The following NIM1K variants were observed in gnomAD, a reference collection of about 807,000 sequenced individuals.
NIM1K encodes NIM1 serine/threonine protein kinase.
In NIM1K, 35 loss-of-function variants were observed where a neutral mutation model predicts 37.1. The ratio of observed to expected loss-of-function variants is 0.94; its 90% CI spans 0.72 to 1.25. NIM1K has a LOEUF of 1.25. NIM1K is among the 50% of genes most tolerant of loss of function. The pLI is 0.00. For missense variants in NIM1K, 564 were observed against 548.0 expected (o/e 1.03, Z -0.29); for synonymous variants, 234 against 206.6 (o/e 1.13, Z -1.14).
chr5:43,243,092 G>A (rs1202551164), intron 1 of NIM1K: 1 of 152,340 alleles, frequency 6.6e-6, no homozygotes, highest in African/African-American at 2.4e-5. Flanking sequence ...TTGAGCCACT[G>A]TGCCCGGCGC....
intron 1 of NIM1K, among the ~76,000 whole-genome samples, chr5:43,233,908 C>G (rs751451474): frequency 7.9e-5 from 12 of 152,072 alleles, no homozygotes; most frequent in Non-Finnish European, 1.6e-4. Flanking sequence ...TAATGCTATT[C>G]CTTTTGTTTG....
chr5:43,206,788 C>A (rs76061911), intron 1 of NIM1K: 15,751 of 766,194 alleles, frequency 0.021, 654 homozygotes, highest in East Asian at 0.14. Flanking sequence ...GGCCTCCAGT[C>A]CATTTTCCAG....
intron 1 of NIM1K, among the ~76,000 whole-genome samples, chr5:43,208,246 G>C (rs1210339935): frequency 6.6e-6 from 1 of 151,916 alleles, no homozygotes; most frequent in Non-Finnish European, 1.5e-5. Flanking sequence ...GTGCTTTCAA[G>C]AGAGAGTTAA....
chr5:43,218,724 C>CT (rs70994612), intron 1 of NIM1K, among the ~76,000 whole-genome samples: 61,755 of 141,020 alleles, frequency 0.44, 13,818 homozygotes, highest in Non-Finnish European at 0.46. Context: ...TTCTTCTTTT[C>CT]TTTTTTTTTT....
At chr5:43,263,555 A>C (rs1753070845) in intron 2 of NIM1K, among the ~76,000 whole-genome samples, 1 of 151,866 alleles carries the variant, frequency 6.6e-6, no homozygotes, top group African/African-American at 2.4e-5. Flanking sequence ...CTTTTCAAAA[A>C]AAAAACAGCT....
chr5:43,198,052 G>T (rs554202120), intron 1 of NIM1K, among the ~76,000 whole-genome samples: 12 of 152,184 alleles, frequency 7.9e-5, no homozygotes, highest in African/African-American at 1.4e-4. Flanking sequence ...AGGAAGTAGG[G>T]GGAAAACATA....
At chr5:43,209,772 G>A (rs1173286576) in intron 1 of NIM1K, among the ~76,000 whole-genome samples, 1 of 151,764 alleles carries the variant, frequency 6.6e-6, no homozygotes, top group Non-Finnish European at 1.5e-5. Flanking sequence ...GCGCCACCAC[G>A]CCCAGCTAAT....
chr5:43,279,146 T>TA, intron 3 of NIM1K, among the ~76,000 whole-genome samples: 1 of 152,304 alleles, frequency 6.6e-6, no homozygotes, highest in South Asian at 2.1e-4. Flanking sequence ...ATCCACATCT[T>TA]ATTGAGTTTG....
rs143914564 is a variant in NIM1K, at chr5:43,280,294, G to A, written c.876G>A (p.Pro292=). 9.6e-4 allele frequency: 1,551 copies of A among 1,613,952 alleles called. 2 individuals carry two copies. The highest frequency in any genetic ancestry group is 1.3e-3 in the Non-Finnish European group (1,481 of 1,180,028). Residue 292 remains proline (P), a synonymous_variant, in exon 4 of 4, where the codon CCG becomes CCA. Coordinates refer to ENST00000326035, the MANE Select transcript of NIM1K (RefSeq NM_153361.4). ...TCGAGGGCACATACAGTGTACCGCCGCACGTGTCAGAGCCCTGCCACCGAC... is the reference window on the plus strand; with the variant it reads ...TCGAGGGCACATACAGTGTACCGCCACACGTGTCAGAGCCCTGCCACCGAC... ...SILEGTYSVP[P]HVSEPCHRLI...
At chr5:43,256,986 C>T (rs534065224) in intron 2 of NIM1K, among the ~76,000 whole-genome samples, 47 of 152,256 alleles carry the variant, frequency 3.1e-4, no homozygotes, top group African/African-American at 1.1e-3. Flanking sequence ...ACTAAGACGA[C>T]ACCCAAGTGA....
At chr5:43,235,671 G>A (rs571489650) in intron 1 of NIM1K, among the ~76,000 whole-genome samples, 2 of 152,340 alleles carry the variant, frequency 1.3e-5, no homozygotes, top group African/African-American at 4.8e-5. Flanking sequence ...CAGTAAGGAT[G>A]AATTAGATGG....
At chr5:43,241,921 G>T (rs900841482) in intron 1 of NIM1K, among the ~76,000 whole-genome samples, 2 of 151,744 alleles carry the variant, frequency 1.3e-5, no homozygotes, top group Non-Finnish European at 1.5e-5. Context: ...TGATTTATTT[G>T]GCACTTATTT....
At chr5:43,235,305 T>C (rs1354755629) in intron 1 of NIM1K, among the ~76,000 whole-genome samples, 2 of 152,232 alleles carry the variant, frequency 1.3e-5, no homozygotes, top group Admixed American at 1.3e-4. Flanking sequence ...CAAATTATCT[T>C]CACATAACAA....
intron 2 of NIM1K, among the ~76,000 whole-genome samples, chr5:43,249,605 G>A (rs1752838215): frequency 6.6e-6 from 1 of 152,108 alleles, no homozygotes; most frequent in Non-Finnish European, 1.5e-5. Flanking sequence ...GCCTTTAATA[G>A]GAATAGGAGA....
rs566585145 is a variant in NIM1K at position 43,205,992 on chromosome 5, A to G, written c.-695+13581A>G. On this transcript the variant is annotated intron_variant, in intron 1 of 3. Transcript: ENST00000326035. ...CTCCCAAAGTGCTGGGATTACAGGCATGAGCTTCCGCGCCCGGCCTGCTTG... is the reference window on the plus strand; with the variant it reads ...CTCCCAAAGTGCTGGGATTACAGGCGTGAGCTTCCGCGCCCGGCCTGCTTG... Among the ~76,000 whole-genome samples the G allele has an allele frequency of 2.3e-4, 35 of 152,278 alleles. No individual in the cohort carries two copies. In the South Asian group the frequency reaches 5.2e-3, roughly 23 times the overall value.
Position 43,270,612 on chromosome 5 carries a change from G to C in NIM1K, c.293-6445G>C, listed in dbSNP as rs1445988287. The stretch of plus-strand genomic sequence containing the variant: ...ATACAAAAGTGTATGAGGTTTATTG[G>C]ACTAGGGAAAGTATGTCTGCCAGGC... On this transcript the variant is annotated intron_variant, in intron 2 of 3. Transcript: ENST00000326035. 2.0e-5 allele frequency among the ~76,000 whole-genome samples: 3 copies of C among 152,202 alleles called. No individual in the cohort carries two copies. In the South Asian group the frequency reaches 6.2e-4, roughly 32 times the overall value.
chr5:43,251,208 A>C (rs1752862315), intron 2 of NIM1K, among the ~76,000 whole-genome samples: 2 of 152,266 alleles, frequency 1.3e-5, no homozygotes, highest in Admixed American at 1.3e-4. Context: ...TGGTAAAAAT[A>C]AGTACAATGC....
intron 1 of NIM1K, among the ~76,000 whole-genome samples, chr5:43,220,561 G>A (rs975246652): frequency 3.8e-4 from 58 of 152,072 alleles, no homozygotes; most frequent in African/African-American, 1.3e-3. Context: ...GATTACAGGC[G>A]TGAGCTACTG....
At chr5:43,264,522 T>G (rs373477072) in intron 2 of NIM1K, among the ~76,000 whole-genome samples, 2 of 152,320 alleles carry the variant, frequency 1.3e-5, no homozygotes, top group South Asian at 4.1e-4. Context: ...TGTCTCTGCA[T>G]GTGAGATGGG....
Sources: gnomAD v4.1 joint callset for allele counts (sites outside exome capture counted in the v4.1 genomes callset) on GRCh38, gnomAD v4.1.1 for gene constraint, MANE v1.5 for transcripts, NCBI Gene and HGNC (gene_info 2026-07-23, HGNC 2026-07-21) for gene names.